The following GFM2 variants were observed in gnomAD, a reference collection of about 807,000 sequenced individuals.
GFM2 encodes ribosome-releasing factor 2, mitochondrial.
GFM2 carries 72 observed loss-of-function variants against 95.4 expected under a neutral mutation model. The observed-to-expected ratio is 0.76, with a 90% CI of 0.62 to 0.92. GFM2 has a LOEUF of 0.92. Ranked by LOEUF, GFM2 falls within the 40% of genes least tolerant of loss-of-function variation. The pLI is 0.00. For missense variants in GFM2, 825 were observed against 924.1 expected (o/e 0.89, Z 1.39); for synonymous variants, 276 against 317.5 (o/e 0.87, Z 1.39).
intron 10 of GFM2, among the ~76,000 whole-genome samples, chr5:74,742,145 C>G (rs768251586): frequency 6.6e-6 from 1 of 151,994 alleles, no homozygotes; most frequent in Non-Finnish European, 1.5e-5. Context: ...GTCTATTTCA[C>G]ATTCTTTTCA....
chr5:74,753,059 C>G (rs182311599), intron 5 of GFM2, among the ~76,000 whole-genome samples: 1 of 152,200 alleles, frequency 6.6e-6, no homozygotes, highest in Admixed American at 6.5e-5. Flanking sequence ...CAAACCAAGA[C>G]AAAATCTAAA....
chr5:74,733,183 C>A, intron 15 of GFM2, 85 bp from the exon 16 acceptor site: 1 of 1,007,174 alleles, frequency 9.9e-7, no homozygotes, highest in Admixed American at 1.9e-5. Flanking sequence ...GATGGATAAG[C>A]AAACAAATTT....
rs773947727 is a variant in GFM2 at position 74,725,701 on chromosome 5, G to A, written c.1967C>T (p.Thr656Ile). The A allele has an allele frequency of 5.0e-6, 8 of 1,613,784 alleles. No individual in the cohort carries two copies. The highest frequency in any genetic ancestry group is 1.1e-5 in the South Asian group (1 of 91,080). ...QDVAITLHSLTIHPGTSTTMI... is the reference protein window; with the variant it reads ...QDVAITLHSLIIHPGTSTTMI... The stretch of plus-strand genomic sequence containing the variant: ...AGTTGTGGAGGTGCCAGGATGAATT[G>A]TCAGGGAATGTAAAGTAATTGCTAC... Residue 656 changes from threonine (T) to isoleucine (I), a missense_variant, in exon 19 of 21, where the codon ACA (threonine) becomes ATA (isoleucine). Physicochemically the swap from Thr to Ile is moderately conservative, Grantham distance 89 (BLOSUM62 -1). Coordinates refer to ENST00000296805, the MANE Select transcript of GFM2 (RefSeq NM_032380.5).
At chr5:74,736,563 T>C in intron 15 of GFM2, 1 of 1,364,616 alleles carries the variant, frequency 7.3e-7, no homozygotes, top group South Asian at 1.6e-5. Flanking sequence ...ACTACAAGAG[T>C]AAGGAAGAAT....
intron 5 of GFM2, among the ~76,000 whole-genome samples, chr5:74,756,647 A>T (rs1319969958): frequency 4.1e-5 from 6 of 147,610 alleles, no homozygotes. Context: ...ATTCCCACTA[A>T]CAGTGTAAAG....
intron 10 of GFM2, among the ~76,000 whole-genome samples, chr5:74,744,041 T>C (rs924054971): frequency 2.6e-5 from 4 of 152,208 alleles, no homozygotes; most frequent in African/African-American, 9.6e-5. Context: ...AGGAATCAGT[T>C]AGTGACAGGG....
chr5:74,725,374 A>G (rs1013366050), intron 19 of GFM2, among the ~76,000 whole-genome samples: 7 of 152,186 alleles, frequency 4.6e-5, no homozygotes, highest in Admixed American at 3.3e-4. Context: ...GGAAAGCAGA[A>G]ATGTCACTTA....
chr5:74,735,268 A>G (rs1742775927), intron 15 of GFM2, among the ~76,000 whole-genome samples: 1 of 152,194 alleles, frequency 6.6e-6, no homozygotes, highest in South Asian at 2.1e-4. Flanking sequence ...TGGACACAAA[A>G]AGACTCAGTT....
chr5:74,755,394 G>C (rs890422494), intron 5 of GFM2, among the ~76,000 whole-genome samples: 1 of 152,022 alleles, frequency 6.6e-6, no homozygotes, highest in African/African-American at 2.4e-5. Flanking sequence ...AAAGATCATT[G>C]GGTCAACAAT....
intron 5 of GFM2, among the ~76,000 whole-genome samples, chr5:74,752,661 T>C (rs1325624547): frequency 6.6e-6 from 1 of 152,212 alleles, no homozygotes; most frequent in Non-Finnish European, 1.5e-5. Flanking sequence ...ATTATAAAGA[T>C]CTTTATTTCA....
intron 15 of GFM2, among the ~76,000 whole-genome samples, chr5:74,736,128 T>C (rs1202054089): frequency 2.0e-5 from 3 of 152,244 alleles, no homozygotes; most frequent in African/African-American, 4.8e-5. Flanking sequence ...CTCTAATCCC[T>C]GACTACCAAT....
intron 19 of GFM2, 38 bp downstream of exon 19, chr5:74,725,602 G>T: frequency 7.4e-7 from 1 of 1,357,856 alleles, no homozygotes; most frequent in Non-Finnish European, 1.1e-6. Context: ...ACTCAGAAGA[G>T]TCACCTTAAA....
chr5:74,729,824 G>C (rs533761663), intron 17 of GFM2, among the ~76,000 whole-genome samples: 18 of 151,808 alleles, frequency 1.2e-4, no homozygotes, highest in African/African-American at 4.3e-4. Context: ...TTTTACATTT[G>C]GGAATAGAAG....
chr5:74,749,528 T>C (rs190269607), intron 7 of GFM2, among the ~76,000 whole-genome samples: 2 of 152,328 alleles, frequency 1.3e-5, no homozygotes, highest in South Asian at 2.1e-4. Context: ...GAAGTGTCCA[T>C]TCAAGTTTTT....
At chr5:74,755,016 AACCC>A (rs1743909153) in intron 5 of GFM2, among the ~76,000 whole-genome samples, 4 of 152,142 alleles carry the variant, frequency 2.6e-5, no homozygotes, top group African/African-American at 9.7e-5. Flanking sequence ...GAATTGCTTG[AACCC>A]GGGAGGTGGA....
At chr5:74,763,551 C>A in intron 2 of GFM2, 129 bp downstream of exon 2, 1 of 505,398 alleles carries the variant, frequency 2.0e-6, no homozygotes. Context: ...ATTAGTTTAG[C>A]TTGAAGATTT....
chr5:74,738,421 T>TA lies in GFM2; in HGVS notation c.1221-5dup, dbSNP rs1354436398. 3 of 1,612,444 alleles carry TA rather than the reference T, an allele frequency of 1.9e-6. No homozygotes were observed. The highest frequency in any genetic ancestry group is 4.5e-5 in the East Asian group (2 of 44,860). ...AAGCAGACGACTTATTCTCTCCCTG[T>TA]AAAATCACAATTTTATGTTAGTAAA... On this transcript the variant is annotated splice_polypyrimidine_tract_variant and splice_region_variant and intron_variant, in intron 13 of 20. Transcript: ENST00000296805.
At chr5:74,722,608 T>A in intron 19 of GFM2, 47 bp from the exon 20 acceptor site, 2 of 1,471,896 alleles carry the variant, frequency 1.4e-6, no homozygotes, top group Non-Finnish European at 1.9e-6. Context: ...AATAAAAACT[T>A]AAAATAAATA....
chr5:74,754,760 G>A (rs1438594595), intron 5 of GFM2, among the ~76,000 whole-genome samples: 1 of 152,108 alleles, frequency 6.6e-6, no homozygotes, highest in Non-Finnish European at 1.5e-5. Context: ...CAATAATAGT[G>A]GGGGACTTTA....
Sources: gnomAD v4.1 joint callset for allele counts (sites outside exome capture counted in the v4.1 genomes callset) on GRCh38, gnomAD v4.1.1 for gene constraint, MANE v1.5 for transcripts, NCBI Gene and HGNC (gene_info 2026-07-23, HGNC 2026-07-21) for gene names.